HMCN1: variants seen among roughly 807,000 people sequenced by gnomAD.
HMCN1 encodes the protein hemicentin-1.
Under a neutral mutation model 625.9 loss-of-function variants are expected in HMCN1, and 321 were observed. The observed-to-expected ratio is 0.51, with a 90% confidence interval of 0.47 to 0.56. HMCN1 has a LOEUF of 0.56. Among genes scored for constraint, HMCN1 ranks in the 20% least tolerant of loss-of-function variants. The pLI is 0.00. For missense variants in HMCN1, 6,588 were observed against 6,887.3 expected (o/e 0.96, Z 1.54); for synonymous variants, 2,425 against 2,417.6 (o/e 1.00, Z -0.09).
chr1:185,839,213 C>A (rs1031403392), intron 1 of HMCN1, among the ~76,000 whole-genome samples: 4 of 152,114 alleles, frequency 2.6e-5, no homozygotes, highest in Admixed American at 6.5e-5. Context: ...TTATCCCTAA[C>A]TAATGACTAG....
chr1:185,878,730 C>A (rs1186115262), intron 4 of HMCN1, among the ~76,000 whole-genome samples: 1 of 152,074 alleles, frequency 6.6e-6, no homozygotes, highest in Non-Finnish European at 1.5e-5. Context: ...TATTACATAT[C>A]CTTTGTCTTT....
At chr1:185,876,312 C>G (rs1208895956) in intron 4 of HMCN1, among the ~76,000 whole-genome samples, 1 of 152,014 alleles carries the variant, frequency 6.6e-6, no homozygotes, top group Non-Finnish European at 1.5e-5. Context: ...ATTCAGTCAT[C>G]CATTGATGAA....
intron 1 of HMCN1, among the ~76,000 whole-genome samples, chr1:185,822,491 T>C (rs1032113795): frequency 1.1e-4 from 16 of 152,192 alleles, no homozygotes; most frequent in African/African-American, 3.6e-4. Flanking sequence ...AACATTCTTA[T>C]ACTAACTTGA....
In HMCN1 at chr1:186,168,760, G is replaced by A. The variant is rs180854373; in HGVS notation, c.15574+1818G>A. 1.1e-3 allele frequency among the ~76,000 whole-genome samples: 167 copies of A among 152,170 alleles called. 2 individuals carry two copies. The highest frequency in any genetic ancestry group is 5.6e-3 in the East Asian group (29 of 5,176). On this transcript the variant is annotated intron_variant, in intron 100 of 106. Coordinates refer to ENST00000271588, the MANE Select transcript of HMCN1 (RefSeq NM_031935.3). ...TTATTGGAAAGAAGACTATAAGAAG[G>A]AAGGACTTTTTTTTTTATTATACTT...
intron 1 of HMCN1, among the ~76,000 whole-genome samples, chr1:185,777,600 C>T (rs1437006588): frequency 9.2e-5 from 14 of 152,038 alleles, no homozygotes; most frequent in East Asian, 1.9e-4. Flanking sequence ...TACAGGCATG[C>T]GCCACCACAC....
In HMCN1 at chr1:186,149,086, T is replaced by C. The variant is rs192934172; in HGVS notation, c.14609-2114T>C. ...CAGAGTAGATTTAGCACAATTCTTA[T>C]GGGCCCTAGGATTTTCACAATGAGC... is the stretch of plus-strand genomic sequence containing the variant. On this transcript the variant is annotated intron_variant, in intron 93 of 106. Transcript: ENST00000271588. Among the ~76,000 whole-genome samples the C allele has an allele frequency of 1.1e-3, 168 of 152,312 alleles. 2 individuals are homozygous for C. Among genetic ancestry groups the C allele is most frequent in the East Asian group, 5.6e-3 (29 of 5,174 alleles).
At chr1:186,171,816 T>G (rs1463351760) in intron 101 of HMCN1, among the ~76,000 whole-genome samples, 190 bp from the exon 102 acceptor site, 1 of 152,120 alleles carries the variant, frequency 6.6e-6, no homozygotes, top group African/African-American at 2.4e-5. Flanking sequence ...ATTTTGTGTT[T>G]GTTTTTGATT....
intron 57 of HMCN1, among the ~76,000 whole-genome samples, chr1:186,085,136 C>T (rs1659394077): frequency 6.6e-6 from 1 of 152,126 alleles, no homozygotes; most frequent in Non-Finnish European, 1.5e-5. Flanking sequence ...GCCCTCCATA[C>T]TGATTGCGAC....
At chr1:185,829,209 A>G (rs1254504675) in intron 1 of HMCN1, among the ~76,000 whole-genome samples, 1 of 152,176 alleles carries the variant, frequency 6.6e-6, no homozygotes, top group East Asian at 1.9e-4. Flanking sequence ...AAAAGACTCC[A>G]AAGCATACAG....
chr1:185,752,477 A>C (rs1654881158), intron 1 of HMCN1, among the ~76,000 whole-genome samples: 1 of 152,114 alleles, frequency 6.6e-6, no homozygotes, highest in Admixed American at 6.6e-5. Flanking sequence ...GGGCGTTGGA[A>C]TATTTCCCCT....
intron 4 of HMCN1, among the ~76,000 whole-genome samples, chr1:185,884,722 G>C (rs6664384): frequency 0.064 from 9,684 of 152,052 alleles, 1,084 homozygotes; most frequent in African/African-American, 0.22. Context: ...TTTGGGAAAG[G>C]TGATCACACT....
At chr1:186,152,407 A>G (rs1440788265) in intron 95 of HMCN1, among the ~76,000 whole-genome samples, 1 of 152,228 alleles carries the variant, frequency 6.6e-6, no homozygotes, top group East Asian at 1.9e-4. Flanking sequence ...TTTTTGAAGC[A>G]TCAGAAAGAA....
intron 1 of HMCN1, among the ~76,000 whole-genome samples, chr1:185,780,110 T>C (rs1487601086): frequency 6.6e-6 from 1 of 152,220 alleles, no homozygotes; most frequent in Non-Finnish European, 1.5e-5. Context: ...TTTGAAGCAA[T>C]TGTGAATGGG....
At chr1:186,050,403 G>A (rs186570034) in intron 42 of HMCN1, among the ~76,000 whole-genome samples, 51 of 151,960 alleles carry the variant, frequency 3.4e-4, no homozygotes, top group African/African-American at 1.1e-3. Context: ...GCGATAGGAT[G>A]GCTCTCAGGT....
intron 15 of HMCN1, among the ~76,000 whole-genome samples, chr1:185,973,708 C>A (rs1650995085): frequency 6.6e-6 from 1 of 151,960 alleles, no homozygotes; most frequent in African/African-American, 2.4e-5. Context: ...TTCAGGTCAA[C>A]AGGGAAAGTT....
chr1:186,021,962 T>G (rs1334330489), intron 35 of HMCN1, among the ~76,000 whole-genome samples: 2 of 152,014 alleles, frequency 1.3e-5, no homozygotes, highest in Non-Finnish European at 2.9e-5. Context: ...GTGGCATAAT[T>G]AATAGGATTC....
chr1:186,063,495 AAG>A, intron 48 of HMCN1, among the ~76,000 whole-genome samples: 2 of 140,438 alleles, frequency 1.4e-5, no homozygotes, highest in African/African-American at 5.7e-5. Context: ...GGAAGGAAGG[AAG>A]GAAGGAAGGA....
At chr1:185,968,782 T>A (rs1032777662) in intron 14 of HMCN1, among the ~76,000 whole-genome samples, 3 of 152,102 alleles carry the variant, frequency 2.0e-5, no homozygotes, top group African/African-American at 4.8e-5. Context: ...AACATTCTTC[T>A]AGTCTTACCT....
At chr1:186,150,342 T>A (rs968789971) in intron 93 of HMCN1, among the ~76,000 whole-genome samples, 5 of 152,224 alleles carry the variant, frequency 3.3e-5, no homozygotes, top group Admixed American at 6.5e-5. Context: ...TGAAAAACAT[T>A]CATTAACCAC....
Sources: allele counts gnomAD v4.1 joint callset (sites outside exome capture counted in the v4.1 genomes callset), GRCh38; gene constraint gnomAD v4.1.1; transcripts MANE v1.5; gene names NCBI Gene and HGNC (gene_info 2026-07-23, HGNC 2026-07-21).